Variants in IGF2BP1 observed in about 807,000 individuals in gnomAD.
IGF2BP1 encodes the protein insulin like growth factor 2 mRNA binding protein 1, also known as insulin-like growth factor 2 mRNA-binding protein 1.
A neutral mutation model predicts 74.9 loss-of-function variants in IGF2BP1; 11 were observed. The observed-to-expected ratio is 0.15, with a 90% CI of 0.09 to 0.24. The LOEUF is 0.24. Ranked by LOEUF, IGF2BP1 falls within the 10% of genes least tolerant of loss-of-function variation. The pLI is 1.00. For synonymous variants in IGF2BP1, 287 were observed against 281.8 expected (o/e 1.02, Z -0.18); for missense variants, 440 against 757.4 (o/e 0.58, Z 4.92).
At chr17:49,049,306 C>T (rs912917930) in intron 14 of IGF2BP1, 46 bp from the exon 15 acceptor site, 2 of 1,553,924 alleles carry the variant, frequency 1.3e-6, no homozygotes, top group Admixed American at 1.7e-5. Context: ...GGAAGGCTGT[C>T]TCCTTGGAGG....
Position 49,055,079 on chromosome 17 carries a change from A to T in IGF2BP1, c.*5635A>T, listed in dbSNP as rs1305155322. The T allele has an allele frequency of 6.6e-6, 1 of 152,062 alleles. No homozygotes were observed. Among genetic ancestry groups the T allele is most frequent in the Non-Finnish European group, 1.5e-5 (1 of 67,932 alleles). The allele number at this position is 152,062 out of a possible 1,614,324, so 9.4% of individuals were successfully genotyped here. A position where few individuals can be genotyped will look rare whatever the true frequency, so the allele number is the denominator to read the frequency against. On this transcript the variant is annotated 3_prime_UTR_variant, in exon 15 of 15. Transcript: ENST00000290341. ...TCCACTTGCTTAGGTTAGGGGGGGA[A>T]AAAGATTTCTTTTTCCAAAGGAAAA...
intron 5 of IGF2BP1, among the ~76,000 whole-genome samples, chr17:49,035,605 G>A (rs920456116): frequency 1.3e-5 from 2 of 152,168 alleles, no homozygotes; most frequent in Non-Finnish European, 2.9e-5. Context: ...CCACCACATG[G>A]CGCCTCCCTG....
chr17:49,046,271 G>A lies in IGF2BP1; in HGVS notation c.1539G>A (p.Leu513=). The A allele has an allele frequency of 6.2e-7, 1 of 1,614,052 alleles. No homozygotes were observed. Among genetic ancestry groups the A allele is most frequent in the Non-Finnish European group, 8.5e-7 (1 of 1,179,914 alleles). The stretch of plus-strand genomic sequence containing the variant: ...CTGGCCACCCCCAGGTGAACGAGTT[G>A]CAGAATTTGACGGCAGCTGAGGTGG... ...IGKGGKTVNE[L]QNLTAAEVVV... Residue 513 remains leucine, a synonymous_variant, in exon 14 of 15, where the codon TTG becomes TTA. Coordinates refer to ENST00000290341, the MANE Select transcript of IGF2BP1 (RefSeq NM_006546.4).
In IGF2BP1 at chr17:49,049,390, T is replaced by A. The variant is rs139015307; in HGVS notation, c.1680T>A (p.Val560=). 1,755 of 1,614,182 alleles carry A rather than the reference T, an allele frequency of 1.1e-3. 33 individuals are homozygous for A. The South Asian group carries it at 0.014, about 13-fold the overall frequency. The part of the protein sequence containing the change: ...QRKIRDILAQ[V]KQQHQKGQSN... ...AGATCCGAGACATCCTGGCCCAGGT[T>A]AAGCAGCAGCATCAGAAGGGACAGA... The change falls in exon 15 of 15, where the codon GTT becomes GTA. Residue 560 remains valine (V), a synonymous_variant. Coordinates refer to ENST00000290341, the MANE Select transcript of IGF2BP1 (RefSeq NM_006546.4).
chr17:49,027,888 C>T (rs959618167), intron 4 of IGF2BP1, among the ~76,000 whole-genome samples: 21 of 142,904 alleles, frequency 1.5e-4, no homozygotes, highest in African/African-American at 5.0e-4. Context: ...AAAAGTTTGC[C>T]GGCTGGGCAC....
chr17:49,010,871 TTAGAGCTAAGCTGGGTTTTG>T (rs1231977171), intron 2 of IGF2BP1, among the ~76,000 whole-genome samples: 5 of 151,800 alleles, frequency 3.3e-5, no homozygotes, highest in African/African-American at 7.3e-5. Context: ...GAGGGAGACT[TTAGAGCTAAGCTGGGTTTTG>T]GAGGCAAGGC....
intron 7 of IGF2BP1, 28 bp from the exon 8 acceptor site, chr17:49,041,350 C>G: frequency 6.2e-7 from 1 of 1,612,778 alleles, no homozygotes; most frequent in Non-Finnish European, 8.5e-7. Context: ...GAACTCTTGT[C>G]TTCCACTTCT....
At chr17:49,044,726 T>G (rs1472665838) in intron 11 of IGF2BP1, among the ~76,000 whole-genome samples, 5 of 152,254 alleles carry the variant, frequency 3.3e-5, no homozygotes, top group Non-Finnish European at 7.3e-5. Context: ...GAAACCTCTC[T>G]GGGAGATTGG....
At chr17:49,004,278 G>C (rs2041521303) in intron 2 of IGF2BP1, among the ~76,000 whole-genome samples, 1 of 136,812 alleles carries the variant, frequency 7.3e-6, no homozygotes, top group African/African-American at 2.6e-5. Context: ...CCTCGCAGCA[G>C]ATACCCCACG....
intron 2 of IGF2BP1, among the ~76,000 whole-genome samples, chr17:49,003,339 A>G (rs1424173448): frequency 6.6e-6 from 1 of 152,204 alleles, no homozygotes; most frequent in Non-Finnish European, 1.5e-5. Context: ...CAGCCAGTTG[A>G]CAAAGATACT....
At chr17:49,042,441 G>T (rs1180379823) in intron 9 of IGF2BP1, 64 bp downstream of exon 9, 1 of 1,591,298 alleles carries the variant, frequency 6.3e-7, no homozygotes, top group Non-Finnish European at 8.6e-7. Flanking sequence ...AGCTTGTGGG[G>T]TGCAGGGTGA....
At chr17:49,023,663 C>T (rs1326698520) in intron 2 of IGF2BP1, among the ~76,000 whole-genome samples, 1 of 152,200 alleles carries the variant, frequency 6.6e-6, no homozygotes, top group African/African-American at 2.4e-5. Flanking sequence ...AGAGGGACAG[C>T]CAGTCAGGGG....
At chr17:49,042,000 G>A (rs2042057923) in intron 8 of IGF2BP1, among the ~76,000 whole-genome samples, 1 of 152,224 alleles carries the variant, frequency 6.6e-6, no homozygotes, top group Non-Finnish European at 1.5e-5. Context: ...ACCATAATCT[G>A]AGATTGGATC....
rs570586045 is a variant in IGF2BP1, at chr17:49,039,002, C to T, written c.683+553C>T. On this transcript the variant is annotated intron_variant, in intron 6 of 14. Coordinates refer to ENST00000290341, the MANE Select transcript of IGF2BP1 (RefSeq NM_006546.4). ...AAGCAATTCTCCTGCCTCAGCCTCC[C>T]GAGTAGCTGGGATTACAGGCGCGTG... Among the ~76,000 whole-genome samples the T allele has an allele frequency of 2.4e-4, 36 of 151,622 alleles. No homozygotes were observed. In the South Asian group the frequency reaches 7.5e-3, roughly 32 times the overall value.
At chr17:49,020,826 A>G (rs2041782587) in intron 2 of IGF2BP1, among the ~76,000 whole-genome samples, 1 of 152,108 alleles carries the variant, frequency 6.6e-6, no homozygotes, top group African/African-American at 2.4e-5. Flanking sequence ...TAGGTATTTG[A>G]TGACATCAAG....
intron 2 of IGF2BP1, among the ~76,000 whole-genome samples, chr17:49,007,797 AGGTCTCTAAGTTGCTT>A: frequency 6.6e-6 from 1 of 152,180 alleles, no homozygotes; most frequent in South Asian, 2.1e-4. Context: ...TTCCTCCTTA[AGGTCTCTAAGTTGCTT>A]GGGAGGAGAA....
chr17:49,038,095 G>A (rs1269944277), intron 5 of IGF2BP1, 73 bp from the exon 6 acceptor site: 4 of 1,317,006 alleles, frequency 3.0e-6, no homozygotes, highest in Non-Finnish European at 2.0e-6. Flanking sequence ...TTACTAGAGT[G>A]CTTTGGCCAA....
chr17:49,043,651 C>T, intron 10 of IGF2BP1, 101 bp downstream of exon 10: 1 of 1,416,204 alleles, frequency 7.1e-7, no homozygotes, highest in Non-Finnish European at 9.7e-7. Flanking sequence ...GGCAAGTTTG[C>T]AGGGAGAGGG....
chr17:49,019,904 T>TTTTATATATA (rs1202634132), intron 2 of IGF2BP1, among the ~76,000 whole-genome samples: 1 of 43,904 alleles, frequency 2.3e-5, no homozygotes, highest in Non-Finnish European at 4.2e-5. Flanking sequence ...CCTGGCTAAT[T>TTTTATATATA]TATATATATA....
Sources: allele counts gnomAD v4.1 joint callset (sites outside exome capture counted in the v4.1 genomes callset), GRCh38; gene constraint gnomAD v4.1.1; transcripts MANE v1.5; gene names NCBI Gene and HGNC (gene_info 2026-07-23, HGNC 2026-07-21).